The following FRMPD2 variants were observed in gnomAD, a reference collection of about 807,000 sequenced individuals.
FRMPD2 encodes FERM and PDZ domain containing 2.
In FRMPD2, 96 loss-of-function variants were observed where a neutral mutation model predicts 140.1. The ratio of observed to expected loss-of-function variants is 0.69; its 90% CI spans 0.58 to 0.81. FRMPD2 has a LOEUF of 0.81. Ranked by LOEUF, FRMPD2 falls within the 40% of genes least tolerant of loss-of-function variation. The pLI is 0.00. For synonymous variants in FRMPD2, 449 were observed against 547.6 expected (o/e 0.82, Z 2.52); for missense variants, 1,240 against 1,447.4 (o/e 0.86, Z 2.32).
chr10:48,220,201 T>G (rs1839550291), intron 12 of FRMPD2, among the ~76,000 whole-genome samples: 1 of 152,150 alleles, frequency 6.6e-6, no homozygotes, highest in African/African-American at 2.4e-5. Context: ...CATAAGGCCA[T>G]AGTCACCAGA....
At chr10:48,248,898 C>G in intron 3 of FRMPD2, 123 bp downstream of exon 3, 1 of 772,068 alleles carries the variant, frequency 1.3e-6, no homozygotes, top group Non-Finnish European at 2.0e-6. Context: ...TTGAAACCCA[C>G]TCTGGCTTGG....
At chr10:48,175,407 C>G (rs1206661542) in intron 23 of FRMPD2, among the ~76,000 whole-genome samples, 2 of 152,006 alleles carry the variant, frequency 1.3e-5, no homozygotes, top group African/African-American at 2.4e-5. Context: ...CCTTTTGGCT[C>G]AATTCTGGCA....
chr10:48,251,554 A>G lies in FRMPD2; in HGVS notation c.151+12T>C. ...CTCCCTGTGATTTGACTGCCCCCAA[A>G]CACTCTCTTACCGTTGCGGAGGTCT... On this transcript the variant is annotated intron_variant, in intron 2 of 28. Coordinates refer to ENST00000374201, the MANE Select transcript of FRMPD2 (RefSeq NM_001018071.4). 3.1e-6 allele frequency: 5 copies of G among 1,612,280 alleles called. No homozygotes were observed. The highest frequency in any genetic ancestry group is 4.2e-6 in the Non-Finnish European group (5 of 1,179,744).
At position 48,242,320 on chromosome 10, in the gene FRMPD2, G is replaced by A. The variant is rs1840137708; in HGVS notation, c.408C>T (p.Ile136=). Residue 136 remains isoleucine (I), a synonymous_variant, in exon 5 of 29, where the codon ATC becomes ATT. Transcript: ENST00000374201. ...PLQLCEPLHS[I]LLTMCEDQPH... ...GCTGGTCTTCACACATGGTCAGCAG[G>A]ATGGAGTGCAGGGGCTCGCAGAGCT... 1 of 1,613,922 alleles carries A rather than the reference G, an allele frequency of 6.2e-7. No individual in the cohort carries two copies. The highest frequency in any genetic ancestry group is 1.3e-5 in the African/African-American group (1 of 74,940).
chr10:48,202,814 T>C (rs1328387713), intron 14 of FRMPD2, among the ~76,000 whole-genome samples: 1 of 152,180 alleles, frequency 6.6e-6, no homozygotes, highest in Admixed American at 6.5e-5. Flanking sequence ...AGTCACTCTT[T>C]TTTTGAGACA....
Position 48,185,574 on chromosome 10 carries a change from G to T in FRMPD2, c.2338C>A (p.Arg780Ser). The change falls in exon 18 of 29, where the codon CGT becomes AGT. Residue 780 changes from arginine to serine, a missense_variant. By Grantham distance (110) the Arg-to-Ser change is moderately radical. Around this residue, in one of 6 missense-constraint regions of FRMPD2, gnomAD observed 1,161 missense variants for 1,055.9 expected, o/e 1.10. Coordinates refer to ENST00000374201, the MANE Select transcript of FRMPD2 (RefSeq NM_001018071.4). ...TTACCAAAACCACGATGTGGGTCAC[G>T]TTTCAGTGTCACACGTACAATTTCT... ...GREIVRVTLK[R>S]DPHRGFGFVI... is the part of the protein sequence containing the mutation. The T allele has an allele frequency of 6.2e-7, 1 of 1,613,824 alleles. No homozygotes were observed. Among genetic ancestry groups the T allele is most frequent in the Non-Finnish European group, 8.5e-7 (1 of 1,179,752 alleles).
chr10:48,228,536 T>C (rs1839776139), intron 10 of FRMPD2, among the ~76,000 whole-genome samples: 1 of 152,026 alleles, frequency 6.6e-6, no homozygotes, highest in Non-Finnish European at 1.5e-5. Flanking sequence ...TAAAATGCTC[T>C]ATTCTACACT....
intron 1 of FRMPD2, among the ~76,000 whole-genome samples, chr10:48,254,246 C>A (rs72792253): frequency 0.063 from 9,599 of 152,244 alleles, 337 homozygotes; most frequent in Middle Eastern, 0.092. Context: ...AGCCTGGGAA[C>A]CATCCAGAGC....
At chr10:48,236,683 A>G (rs1487466839) in intron 8 of FRMPD2, 130 bp from the exon 9 acceptor site, 1 of 808,484 alleles carries the variant, frequency 1.2e-6, no homozygotes, top group East Asian at 2.6e-5. Context: ...AAACAGGCCA[A>G]GATGGGGCTG....
At chr10:48,258,992 C>T (rs973882246) in intron 1 of FRMPD2, among the ~76,000 whole-genome samples, 3 of 152,186 alleles carry the variant, frequency 2.0e-5, no homozygotes, top group Admixed American at 6.5e-5. Context: ...AAGTCTATTT[C>T]TGAGCAGACT....
intron 16 of FRMPD2, among the ~76,000 whole-genome samples, chr10:48,191,152 G>A (rs1031452261): frequency 4.6e-5 from 7 of 152,170 alleles, no homozygotes; most frequent in Admixed American, 2.0e-4. Flanking sequence ...TTGGGATCTT[G>A]GAGCCCTCCT....
chr10:48,217,687 T>C (rs947169853), intron 12 of FRMPD2, among the ~76,000 whole-genome samples: 3 of 152,248 alleles, frequency 2.0e-5, no homozygotes, highest in Non-Finnish European at 4.4e-5. Context: ...AATGTCCATT[T>C]ATCCATGGGA....
Position 48,274,634 on chromosome 10 carries a change from C to T in FRMPD2, c.-67G>A, listed in dbSNP as rs1840823255. Reference sequence around the variant, plus strand: ...CAACTTTCCAACAAGGAGCAGGGGTCTCTTGCAAGTCTGTCCGCGGAGCTC... The same window carrying T: ...CAACTTTCCAACAAGGAGCAGGGGTTTCTTGCAAGTCTGTCCGCGGAGCTC... On this transcript the variant is annotated 5_prime_UTR_variant, in exon 1 of 29. Coordinates refer to ENST00000374201, the MANE Select transcript of FRMPD2 (RefSeq NM_001018071.4). The T allele has an allele frequency of 6.7e-7, 1 of 1,499,140 alleles. No homozygotes were observed. 92.9% of individuals were successfully genotyped at this position (1,499,140 alleles called of 1,614,324 possible).
chr10:48,270,997 T>C (rs1840757056), intron 1 of FRMPD2, among the ~76,000 whole-genome samples: 1 of 152,214 alleles, frequency 6.6e-6, no homozygotes, highest in African/African-American at 2.4e-5. Flanking sequence ...CCATTCTCTG[T>C]CTTGCAGAGT....
intron 9 of FRMPD2, 46 bp downstream of exon 9, chr10:48,236,436 T>G (rs375554862): frequency 1.9e-6 from 3 of 1,572,814 alleles, no homozygotes. Context: ...AACTGCCCAC[T>G]TCCCTCGCCA....
chr10:48,250,031 T>C (rs1564439872), intron 2 of FRMPD2, among the ~76,000 whole-genome samples: 1 of 152,198 alleles, frequency 6.6e-6, no homozygotes, highest in Non-Finnish European at 1.5e-5. Context: ...GTGAGGTCAC[T>C]TGGCCACCTC....
intron 20 of FRMPD2, among the ~76,000 whole-genome samples, chr10:48,182,105 C>T (rs1241356260): frequency 6.6e-6 from 1 of 152,004 alleles, no homozygotes; most frequent in Non-Finnish European, 1.5e-5. Context: ...AACTCACATG[C>T]TGAATGAATT....
At position 48,183,851 on chromosome 10, in the gene FRMPD2, C is replaced by CAAAAAAAAAAAAAAAAAAAAAAAA. The variant is rs57389978; in HGVS notation, c.2584+714_2584+715insTTTTTTTTTTTTTTTTTTTTTTTT. Among the ~76,000 whole-genome samples the CAAAAAAAAAAAAAAAAAAAAAAAA allele has an allele frequency of 5.7e-4, 44 of 76,720 alleles. 2 individuals are homozygous for CAAAAAAAAAAAAAAAAAAAAAAAA. Among genetic ancestry groups the CAAAAAAAAAAAAAAAAAAAAAAAA allele is most frequent in the African/African-American group, 2.2e-3 (39 of 17,512 alleles). 50.3% of individuals were successfully genotyped at this position (76,720 alleles called of 152,430 possible). A position where few individuals can be genotyped will look rare whatever the true frequency, so the allele number is the denominator to read the frequency against. On this transcript the variant is annotated intron_variant, in intron 20 of 28. Coordinates refer to ENST00000374201, the MANE Select transcript of FRMPD2 (RefSeq NM_001018071.4). ...TGGGTGAAAGAGTGAGACTCCATCT[C>CAAAAAAAAAAAAAAAAAAAAAAAA]AAAAAAAAAAAAGGAAAATCAAATA...
chr10:48,202,762 A>G (rs1281386058), intron 14 of FRMPD2, among the ~76,000 whole-genome samples: 3 of 152,178 alleles, frequency 2.0e-5, no homozygotes, highest in Admixed American at 2.0e-4. Flanking sequence ...TGACAATTTT[A>G]TATTAAGTTT....
Sources: gnomAD v4.1 joint callset for allele counts (sites outside exome capture counted in the v4.1 genomes callset) on GRCh38, gnomAD v4.1.1 for gene constraint, gnomAD v4.1.1 regional missense constraint, MANE v1.5 for transcripts, NCBI Gene and HGNC (gene_info 2026-07-23, HGNC 2026-07-21) for gene names.